The following MACF1 variants were observed in gnomAD, a reference collection of about 807,000 sequenced individuals.
MACF1 encodes the protein microtubule actin crosslinking factor 1, also known as microtubule-actin cross-linking factor 1.
A neutral mutation model predicts 854.8 loss-of-function variants in MACF1; 193 were observed. The observed-to-expected ratio is 0.23, with a 90% confidence interval of 0.20 to 0.25. MACF1 has a LOEUF of 0.25. Among genes scored for constraint, MACF1 ranks in the 10% least tolerant of loss-of-function variants. MACF1 has a pLI of 1.00. For synonymous variants in MACF1, 3,185 were observed against 3,226.7 expected, an observed-to-expected ratio of 0.99 and a Z score of 0.44; for missense variants, 7,722 against 8,929.1, an observed-to-expected ratio of 0.86 and a Z score of 5.45.
At chr1:39,313,785 CT>C (rs1373281306) in intron 26 of MACF1, among the ~76,000 whole-genome samples, 2 of 151,780 alleles carry the variant, frequency 1.3e-5, no homozygotes, top group Non-Finnish European at 1.5e-5. Flanking sequence ...CCTTCTTTCT[CT>C]TTTTTTTAAA....
Position 39,334,990 on chromosome 1 carries a change from C to T in MACF1, c.8402C>T (p.Ala2801Val), listed in dbSNP as rs1446778533. ...KDMLIACNQT[A>V]EMSCNKVEES... Reference sequence around the variant, plus strand: ...ATGTTAATTGCTTGTAATCAGACTGCTGAAATGAGTTGTAATAAAGTAGAA... The same window carrying T: ...ATGTTAATTGCTTGTAATCAGACTGTTGAAATGAGTTGTAATAAAGTAGAA... Residue 2801 changes from alanine to valine, a missense_variant, in exon 37 of 101, where the codon GCT becomes GTT. This residue lies in a region of MACF1 where 1,531 missense variants were observed against 1,601.6 expected (regional missense o/e 0.96). Coordinates refer to ENST00000564288, the MANE Select transcript of MACF1 (RefSeq NM_001394062.1). 6.2e-7 allele frequency: 1 copy of T among 1,613,992 alleles called. No individual in the cohort carries two copies. The highest frequency in any genetic ancestry group is 1.1e-5 in the South Asian group (1 of 91,080).
At chr1:39,303,235 A>G (rs1287413664) in intron 23 of MACF1, among the ~76,000 whole-genome samples, 157 bp downstream of exon 23, 1 of 152,210 alleles carries the variant, frequency 6.6e-6, no homozygotes, top group African/African-American at 2.4e-5. Context: ...TCCTACTACC[A>G]GCCACATAGT....
At position 39,177,238 on chromosome 1, in the gene MACF1, C is replaced by T. The variant is rs567363657; in HGVS notation, c.221-53944C>T. Among the ~76,000 whole-genome samples, 3 of 152,120 alleles carry T rather than the reference C, an allele frequency of 2.0e-5. No individual in the cohort carries two copies. In the East Asian group the frequency reaches 5.8e-4, roughly 29 times the overall value. ...ACAACCCCCGCCTCCCAGGTTCAAG[C>T]GATTCTCCTGCCTCAGCCTCCTGAG... On this transcript the variant is annotated intron_variant, in intron 2 of 93. Coordinates refer to the MACF1 transcript ENST00000361689.
chr1:39,186,986 A>ATTTT (rs11427661), intron 2 of MACF1, among the ~76,000 whole-genome samples: 1 of 134,614 alleles, frequency 7.4e-6, no homozygotes, highest in Non-Finnish European at 1.6e-5. Context: ...GTGATTCTTG[A>ATTTT]TTTTTTTTTT....
chr1:39,390,022 T>G (rs1261819780), intron 58 of MACF1, among the ~76,000 whole-genome samples: 1 of 152,206 alleles, frequency 6.6e-6, no homozygotes, highest in East Asian at 1.9e-4. Flanking sequence ...AGGAGATGAT[T>G]ACATGACCCA....
At position 39,459,092 on chromosome 1, in the gene MACF1, C is replaced by T. The variant is rs1207804394; in HGVS notation, c.21203C>T (p.Ser7068Phe). 1.2e-6 allele frequency: 2 copies of T among 1,611,394 alleles called. No homozygotes were observed. The highest frequency in any genetic ancestry group is 8.5e-7 in the Non-Finnish European group (1 of 1,179,116). Residue 7068 changes from serine (S) to phenylalanine (F), a missense_variant, in exon 91 of 101, where the codon TCC (serine) becomes TTC (phenylalanine). Ser to Phe is a radical substitution (Grantham distance 155). Coordinates refer to ENST00000564288, the MANE Select transcript of MACF1 (RefSeq NM_001394062.1). ...IEKSRSGGRK[S>F]LSQPTPPPMP... ...TGATTATTTTTCCTTTTAGGGAAAT[C>T]CCTAAGTCAGCCAACCCCTCCTCCC...
chr1:39,281,524 T>G (rs1297014287), intron 6 of MACF1, among the ~76,000 whole-genome samples: 1 of 151,650 alleles, frequency 6.6e-6, no homozygotes, highest in Non-Finnish European at 1.5e-5. Flanking sequence ...GGAGTCTCAC[T>G]CTGTCACTCA....
chr1:39,284,060 C>A lies in MACF1; in HGVS notation c.916-6C>A, dbSNP rs1453190850. On this transcript the variant is annotated splice_polypyrimidine_tract_variant and splice_region_variant and intron_variant, in intron 9 of 100. Coordinates refer to ENST00000564288, the MANE Select transcript of MACF1 (RefSeq NM_001394062.1). ...CAGGTGTGTGATGTTTACCTTCTGGCAATAGGAAGTGGACTCCAGGTGGCA... is the reference window on the plus strand; with the variant it reads ...CAGGTGTGTGATGTTTACCTTCTGGAAATAGGAAGTGGACTCCAGGTGGCA... The A allele has an allele frequency of 1.2e-6, 2 of 1,613,152 alleles. No homozygotes were observed. The highest frequency in any genetic ancestry group is 3.3e-5 in the Admixed American group (2 of 59,770).
chr1:39,437,452 G>T lies in MACF1; in HGVS notation c.17989-325G>T, dbSNP rs182954814. ...CAGCCTCCCTAGTAGCTGGGACTACGGGCGTGCGCCACCACACCCGGCTAA... is the reference window on the plus strand; with the variant it reads ...CAGCCTCCCTAGTAGCTGGGACTACTGGCGTGCGCCACCACACCCGGCTAA... On this transcript the variant is annotated intron_variant, in intron 70 of 100. Coordinates refer to ENST00000564288, the MANE Select transcript of MACF1 (RefSeq NM_001394062.1). 4.0e-3 allele frequency among the ~76,000 whole-genome samples: 602 copies of T among 151,818 alleles called. 2 individuals are homozygous for T. Among genetic ancestry groups the T allele is most frequent in the Middle Eastern group, 0.01 (3 of 292 alleles).
At chr1:39,372,066 G>C (rs1046168141) in intron 51 of MACF1, among the ~76,000 whole-genome samples, 1 of 151,936 alleles carries the variant, frequency 6.6e-6, no homozygotes, top group East Asian at 1.9e-4. Flanking sequence ...TGATCTGCCC[G>C]CCTCAGCCTC....
chr1:39,214,052 G>T (rs940618971), intron 1 of MACF1, among the ~76,000 whole-genome samples: 1 of 152,190 alleles, frequency 6.6e-6, no homozygotes, highest in Non-Finnish European at 1.5e-5. Context: ...AGTCGTTTGG[G>T]CTAATCTCTG....
At chr1:39,424,855 A>C (rs1643673345) in intron 61 of MACF1, among the ~76,000 whole-genome samples, 1 of 152,218 alleles carries the variant, frequency 6.6e-6, no homozygotes. Flanking sequence ...AGAAATCAAT[A>C]AGAGAGCTGA....
In MACF1 at chr1:39,207,367, G is replaced by A. The variant is rs545444119; in HGVS notation, c.109+2236G>A. ...ACAATCCTGGCTCACCGCAAGCTCC[G>A]CCTCCCGGGTTCAAGTGATTCTCCT... On this transcript the variant is annotated intron_variant, in intron 1 of 100. Coordinates refer to ENST00000564288, the MANE Select transcript of MACF1 (RefSeq NM_001394062.1). 1.0e-4 allele frequency among the ~76,000 whole-genome samples: 15 copies of A among 150,668 alleles called. No homozygotes were observed. The South Asian group carries it at 2.3e-3, about 23-fold the overall frequency.
At chr1:39,259,850 T>C (rs571361359) in intron 6 of MACF1, among the ~76,000 whole-genome samples, 1 of 152,038 alleles carries the variant, frequency 6.6e-6, no homozygotes, top group Admixed American at 6.5e-5. Flanking sequence ...ACTTCCAACC[T>C]CAGGTGATCC....
chr1:39,328,008 G>A (rs1400310097), intron 36 of MACF1, among the ~76,000 whole-genome samples: 5 of 152,172 alleles, frequency 3.3e-5, no homozygotes, highest in Non-Finnish European at 5.9e-5. Context: ...ATATATGTGT[G>A]TTTGCCTGCT....
intron 6 of MACF1, among the ~76,000 whole-genome samples, chr1:39,271,062 A>G (rs1208900545): frequency 2.0e-5 from 3 of 152,126 alleles, no homozygotes; most frequent in Admixed American, 2.0e-4. Flanking sequence ...GGAGTGTGAT[A>G]GTTGTGTTAT....
intron 2 of MACF1, among the ~76,000 whole-genome samples, chr1:39,143,298 A>G (rs1643387376): frequency 6.6e-6 from 1 of 152,206 alleles, no homozygotes. Context: ...TTATTGATAC[A>G]AGCTAGCTTT....
chr1:39,213,571 A>T (rs947137797), intron 1 of MACF1, among the ~76,000 whole-genome samples: 2 of 152,208 alleles, frequency 1.3e-5, no homozygotes, highest in African/African-American at 4.8e-5. Context: ...TCCTGAGCTC[A>T]GGCAGTTTAC....
In MACF1 at chr1:39,460,240, G is replaced by A. The variant is rs1026992752; in HGVS notation, c.21361-392G>A. Among the ~76,000 whole-genome samples, 2 of 152,164 alleles carry A rather than the reference G, an allele frequency of 1.3e-5. No homozygotes were observed. Among genetic ancestry groups the A allele is most frequent in the Non-Finnish European group, 2.9e-5 (2 of 68,028 alleles). On this transcript the variant is annotated intron_variant, in intron 91 of 100. Transcript: ENST00000564288. The surrounding 1 kb of genome is among the most constrained non-coding windows in gnomAD (Gnocchi z 4.1). ...TATGAGCCCTATGTGTGATTATAAT[G>A]CCTTTCAAAACAACATAATCGAGGA...
Sources: allele counts gnomAD v4.1 joint callset (sites outside exome capture counted in the v4.1 genomes callset), GRCh38; gene constraint gnomAD v4.1.1; regional missense constraint gnomAD v4.1.1; non-coding constraint Gnocchi (gnomAD v3.1); transcripts MANE v1.5; gene names NCBI Gene and HGNC (gene_info 2026-07-23, HGNC 2026-07-21).